Variants in DPH6 observed in about 807,000 individuals in gnomAD.
DPH6 encodes diphthamine biosynthesis 6.
In DPH6, 33 loss-of-function variants were observed where a neutral mutation model predicts 38.2. The observed-to-expected ratio is 0.86, with a 90% CI of 0.65 to 1.15. DPH6 has a LOEUF of 1.15. DPH6 is among the 50% of genes most tolerant of loss of function. The probability of loss-of-function intolerance (pLI) is 0.00; values close to 1 mark genes in which losing one functional copy is unlikely to be tolerated. For synonymous variants in DPH6, 108 were observed against 103.0 expected (o/e 1.05, Z -0.30); for missense variants, 325 against 320.0 (o/e 1.02, Z -0.12).
At chr15:35,361,302 T>C (rs2052612153) in intron 3 of DPH6, among the ~76,000 whole-genome samples, 1 of 152,192 alleles carries the variant, frequency 6.6e-6, no homozygotes. Flanking sequence ...TTTGCCAAGT[T>C]ATTGTTAATA....
chr15:35,265,041 T>C (rs76233622), intron 3 of DPH6, among the ~76,000 whole-genome samples: 1 of 152,188 alleles, frequency 6.6e-6, no homozygotes, highest in Non-Finnish European at 1.5e-5. Context: ...AGTTATGTCA[T>C]TCTAGATTGG....
chr15:35,331,751 C>T (rs2052328589), intron 3 of DPH6, among the ~76,000 whole-genome samples: 1 of 152,128 alleles, frequency 6.6e-6, no homozygotes, highest in Non-Finnish European at 1.5e-5. Context: ...AGAATGTGCC[C>T]TAAAATTGTT....
At chr15:35,331,855 C>T (rs1044504937) in intron 3 of DPH6, among the ~76,000 whole-genome samples, 1 of 152,126 alleles carries the variant, frequency 6.6e-6, no homozygotes, top group African/African-American at 2.4e-5. Flanking sequence ...AGTCCCTCAC[C>T]CTTCCAGTCT....
the DPH6 span, among the ~76,000 whole-genome samples, chr15:35,175,044 T>C: frequency 3.4e-3 from 519 of 152,306 alleles, 4 homozygotes; most frequent in Middle Eastern, 0.02. Flanking sequence ...TGTTGGCTGT[T>C]TCGTTTTTGT....
intron 3 of DPH6, among the ~76,000 whole-genome samples, chr15:35,268,554 CTT>C (rs1243546545): frequency 6.6e-6 from 1 of 151,006 alleles, no homozygotes; most frequent in Admixed American, 6.6e-5. Flanking sequence ...AAAGAGGAGT[CTT>C]TTTCTTCTGC....
the DPH6 span, among the ~76,000 whole-genome samples, chr15:35,147,287 C>T: frequency 2.0e-4 from 30 of 152,296 alleles, no homozygotes; most frequent in African/African-American, 6.5e-4. Flanking sequence ...AGCCAGACAG[C>T]TTACCTTCCG....
the DPH6 span, among the ~76,000 whole-genome samples, chr15:35,159,231 C>T: frequency 0.048 from 7,358 of 152,108 alleles, 310 homozygotes; most frequent in East Asian, 0.23. Flanking sequence ...ATGTACTCTG[C>T]GTTTTCTTTC....
intron 3 of DPH6, among the ~76,000 whole-genome samples, chr15:35,518,805 G>T (rs1267898553): frequency 6.6e-6 from 1 of 151,890 alleles, no homozygotes; most frequent in African/African-American, 2.4e-5. Flanking sequence ...TCCCACTGTG[G>T]TTTTGGAAAT....
At chr15:35,503,137 A>T in intron 3 of DPH6, among the ~76,000 whole-genome samples, 1 of 151,846 alleles carries the variant, frequency 6.6e-6, no homozygotes, top group South Asian at 2.1e-4. Context: ...TAGAAATTTA[A>T]TTTAGCAACT....
chr15:35,400,955 T>C (rs1285938686), intron 6 of DPH6: 2 of 1,030,282 alleles, frequency 1.9e-6, no homozygotes, highest in Non-Finnish European at 1.5e-6. Context: ...CAAAGAGAGC[T>C]GTCTAAGAAG....
intron 3 of DPH6, among the ~76,000 whole-genome samples, chr15:35,310,842 G>C (rs1453848243): frequency 6.6e-6 from 1 of 151,282 alleles, no homozygotes; most frequent in African/African-American, 2.4e-5. Context: ...CTGAGGTCGG[G>C]AGTTTGAGAC....
At chr15:35,350,398 TA>T in intron 3 of DPH6, among the ~76,000 whole-genome samples, 1 of 152,088 alleles carries the variant, frequency 6.6e-6, no homozygotes, top group Non-Finnish European at 1.5e-5. Flanking sequence ...TTAGTTTTGT[TA>T]ATTTTTAAAA....
chr15:35,452,674 C>T (rs2053951133), intron 4 of DPH6, among the ~76,000 whole-genome samples: 1 of 152,134 alleles, frequency 6.6e-6, no homozygotes, highest in Non-Finnish European at 1.5e-5. Context: ...TTTAAAATGT[C>T]TCAGAACATC....
intron 3 of DPH6, among the ~76,000 whole-genome samples, chr15:35,314,312 T>C (rs554873267): frequency 1.3e-5 from 2 of 152,344 alleles, no homozygotes; most frequent in South Asian, 4.1e-4. Context: ...GGTTATGTCA[T>C]ACATCATTTT....
intron 3 of DPH6, among the ~76,000 whole-genome samples, chr15:35,526,012 C>T (rs189384367): frequency 1.2e-3 from 188 of 152,210 alleles, no homozygotes; most frequent in African/African-American, 3.0e-3. Flanking sequence ...TCTGTAATTA[C>T]GTCCAGGATA....
chr15:35,214,954 A>T (rs923800088), downstream of DPH6, among the ~76,000 whole-genome samples: 1 of 152,210 alleles, frequency 6.6e-6, no homozygotes, highest in African/African-American at 2.4e-5. Flanking sequence ...CTCTCGCAAG[A>T]ATCTATGCTC....
At chr15:35,388,011 T>C (rs8035555) in intron 6 of DPH6, among the ~76,000 whole-genome samples, 144,063 of 151,824 alleles carry the variant, frequency 0.95, 68,796 homozygotes, top group East Asian at 1. Context: ...TTTTGAGATA[T>C]GTCCCATCAA....
intron 3 of DPH6, among the ~76,000 whole-genome samples, chr15:35,313,992 C>T (rs969522225): frequency 6.6e-6 from 1 of 151,444 alleles, no homozygotes; most frequent in African/African-American, 2.4e-5. Flanking sequence ...AGACAACAAT[C>T]AATAGAGTGA....
At chr15:35,369,316 T>C (rs1457531042), downstream of DPH6, among the ~76,000 whole-genome samples, 1 of 151,892 alleles carries the variant, frequency 6.6e-6, no homozygotes, top group African/African-American at 2.4e-5. Flanking sequence ...TTCAGGGTAC[T>C]ACATTCTAGA....
Sources: gnomAD v4.1 joint callset for allele counts (sites outside exome capture counted in the v4.1 genomes callset) on GRCh38, gnomAD v4.1.1 for gene constraint, MANE v1.5 for transcripts, NCBI Gene and HGNC (gene_info 2026-07-23, HGNC 2026-07-21) for gene names.